UBAP2: variants seen among roughly 807,000 people sequenced by gnomAD.
The protein encoded by UBAP2 is ubiquitin-associated protein 2.
A neutral mutation model predicts 139.6 loss-of-function variants in UBAP2; 75 were observed. The observed-to-expected ratio is 0.54, with a 90% CI of 0.45 to 0.65. UBAP2 has a LOEUF of 0.65. Among genes scored for constraint, UBAP2 ranks in the 30% least tolerant of loss-of-function variants. The pLI, the probability that UBAP2 is intolerant of heterozygous loss-of-function variation, is 0.00. For missense variants in UBAP2, 1,368 were observed against 1,369.6 expected (o/e 1.00, Z 0.02); for synonymous variants, 526 against 526.2 (o/e 1.00, Z 0.01).
At chr9:33,944,158 A>C (rs1037625779) in intron 14 of UBAP2, among the ~76,000 whole-genome samples, 5 of 152,178 alleles carry the variant, frequency 3.3e-5, no homozygotes, top group Non-Finnish European at 2.9e-5. Context: ...TCTGTACTTG[A>C]AATAAGGATC....
At chr9:33,971,251 C>T (rs773716960) in intron 8 of UBAP2, among the ~76,000 whole-genome samples, 1 of 152,148 alleles carries the variant, frequency 6.6e-6, no homozygotes, top group Non-Finnish European at 1.5e-5. Context: ...TTGCTACAAA[C>T]CCATCTATCA....
intron 2 of UBAP2, among the ~76,000 whole-genome samples, chr9:34,007,729 C>G (rs62558766): frequency 4.6e-5 from 7 of 151,132 alleles, no homozygotes. Context: ...AGCTCTGCCT[C>G]CCCGATTCAC....
chr9:34,035,514 A>ATATATATAT (rs1554692767), intron 1 of UBAP2, among the ~76,000 whole-genome samples: 1 of 22,474 alleles, frequency 4.4e-5, no homozygotes. Context: ...AAAAAAAAAA[A>ATATATATAT]ATATATATAT....
chr9:34,048,495 T>A (rs1028190869), intron 1 of UBAP2, among the ~76,000 whole-genome samples: 1 of 148,298 alleles, frequency 6.7e-6, no homozygotes, highest in Non-Finnish European at 1.5e-5. Context: ...GGCACCGAGG[T>A]GGGAGAGAAA....
chr9:33,938,812 A>G, intron 16 of UBAP2: 1 of 405,692 alleles, frequency 2.5e-6, no homozygotes. Flanking sequence ...AAAAAAAAAA[A>G]AGCTTGTCAT....
intron 6 of UBAP2, among the ~76,000 whole-genome samples, chr9:33,980,993 C>G (rs1029351260): frequency 2.1e-5 from 3 of 142,264 alleles, no homozygotes; most frequent in Non-Finnish European, 3.0e-5. Flanking sequence ...GTGAGCCACA[C>G]GAAATTTTAT....
At chr9:33,961,043 A>G (rs1288393431) in intron 9 of UBAP2, among the ~76,000 whole-genome samples, 165 bp from the exon 10 acceptor site, 1 of 152,200 alleles carries the variant, frequency 6.6e-6, no homozygotes, top group Non-Finnish European at 1.5e-5. Flanking sequence ...TATTCTCGGT[A>G]AAATCAGTAA....
chr9:33,983,324 A>G (rs2131119354), intron 6 of UBAP2, among the ~76,000 whole-genome samples: 1 of 152,342 alleles, frequency 6.6e-6, no homozygotes, highest in South Asian at 2.1e-4. Context: ...AAAGGATTCA[A>G]CAGTGTAGTC....
chr9:33,957,312 C>T (rs1826652924), intron 10 of UBAP2, among the ~76,000 whole-genome samples: 1 of 152,132 alleles, frequency 6.6e-6, no homozygotes, highest in African/African-American at 2.4e-5. Context: ...ATAAGTCTGG[C>T]ATACATAGGC....
In UBAP2 at chr9:33,923,862, T is replaced by C; in HGVS notation, c.2729A>G (p.Tyr910Cys). The change falls in exon 24 of 29, where the codon TAT becomes TGT. Residue 910 changes from tyrosine to cysteine, a missense_variant. Coordinates refer to ENST00000379238, the MANE Select transcript of UBAP2 (RefSeq NM_001370062.2). ...PFVNPALPPG[Y>C]SYTGLPYYTG... ...GTAGTAGGGAAGACCAGTGTAGCTA[T>C]AGCCAGGTGGCAGTGCAGGATTCAC... The C allele has an allele frequency of 6.2e-7, 1 of 1,614,202 alleles. No individual in the cohort carries two copies. The highest frequency in any genetic ancestry group is 8.5e-7 in the Non-Finnish European group (1 of 1,180,028).
At chr9:33,972,300 T>C (rs1278254360) in intron 7 of UBAP2, among the ~76,000 whole-genome samples, 7 of 152,178 alleles carry the variant, frequency 4.6e-5, no homozygotes, top group Non-Finnish European at 8.8e-5. Flanking sequence ...AAAACAAATA[T>C]TACCTTTAAA....
chr9:33,987,573 C>T (rs1449052446), intron 5 of UBAP2, among the ~76,000 whole-genome samples: 1 of 152,152 alleles, frequency 6.6e-6, no homozygotes, highest in East Asian at 1.9e-4. Context: ...CATGCCACTG[C>T]ACTTCAGCCT....
chr9:33,977,637 A>AC, intron 6 of UBAP2, among the ~76,000 whole-genome samples: 1 of 151,870 alleles, frequency 6.6e-6, no homozygotes, highest in Non-Finnish European at 1.5e-5. Context: ...CTGGGACTCT[A>AC]CTACATCTCT....
intron 1 of UBAP2, among the ~76,000 whole-genome samples, chr9:34,022,432 CCTT>C (rs1411621834): frequency 8.8e-6 from 1 of 114,216 alleles, no homozygotes; most frequent in African/African-American, 3.4e-5. Flanking sequence ...CAGCAAGACC[CCTT>C]TTTTTTTTTT....
At chr9:33,984,238 T>A (rs1204810292) in intron 6 of UBAP2, among the ~76,000 whole-genome samples, 1 of 152,176 alleles carries the variant, frequency 6.6e-6, no homozygotes, top group African/African-American at 2.4e-5. Flanking sequence ...GGTCTCCAAT[T>A]TAGCCTCAGC....
At chr9:33,941,051 T>A (rs911029284) in intron 16 of UBAP2, among the ~76,000 whole-genome samples, 1 of 152,200 alleles carries the variant, frequency 6.6e-6, no homozygotes, top group Non-Finnish European at 1.5e-5. Flanking sequence ...ACATGAAATG[T>A]GTATACTTGT....
In UBAP2 at chr9:34,041,516, G is replaced by GT. The variant is rs529560806; in HGVS notation, c.-42+7308dup. 2.1e-4 allele frequency among the ~76,000 whole-genome samples: 31 copies of GT among 148,200 alleles called. No homozygotes were observed. In the South Asian group the frequency reaches 6.6e-3, roughly 31 times the overall value. Reference sequence around the variant, plus strand: ...GTCCATGACCAGCCTGGCCAACATGGTGAAACCCCGTCTCTACTAAGAATA... The same window carrying GT: ...GTCCATGACCAGCCTGGCCAACATGGTTGAAACCCCGTCTCTACTAAGAATA... On this transcript the variant is annotated intron_variant, in intron 1 of 28. Transcript: ENST00000379238.
chr9:34,030,427 C>T (rs1404025935), intron 1 of UBAP2, among the ~76,000 whole-genome samples: 5 of 151,632 alleles, frequency 3.3e-5, no homozygotes, highest in Non-Finnish European at 5.9e-5. Context: ...CCAGCCTGGG[C>T]GACAGAGCCA....
At chr9:34,007,611 T>C (rs1474038739) in intron 2 of UBAP2, among the ~76,000 whole-genome samples, 1 of 151,880 alleles carries the variant, frequency 6.6e-6, no homozygotes, top group Non-Finnish European at 1.5e-5. Context: ...TTTATTGAAA[T>C]GATCATATGT....
Sources: gnomAD v4.1 joint callset for allele counts (sites outside exome capture counted in the v4.1 genomes callset) on GRCh38, gnomAD v4.1.1 for gene constraint, MANE v1.5 for transcripts, NCBI Gene and HGNC (gene_info 2026-07-23, HGNC 2026-07-21) for gene names.